PDE11A: variants seen among roughly 807,000 people sequenced by gnomAD.
PDE11A encodes dual 3',5'-cyclic-AMP and -GMP phosphodiesterase 11A.
A neutral mutation model predicts 100.5 loss-of-function variants in PDE11A; 100 were observed. The observed-to-expected ratio is 1.00, with a 90% CI of 0.85 to 1.18. The LOEUF (loss-of-function observed/expected upper bound fraction) is 1.18. Among genes scored for constraint, PDE11A ranks in the 50% most tolerant of loss-of-function variants. The pLI is 0.00. For synonymous variants in PDE11A, 381 were observed against 420.8 expected, an observed-to-expected ratio of 0.91 and a Z score of 1.16; for missense variants, 1,141 against 1,152.6, an observed-to-expected ratio of 0.99 and a Z score of 0.15.
intron 15 of PDE11A, among the ~76,000 whole-genome samples, chr2:177,694,268 A>T (rs1196145538): frequency 6.6e-6 from 1 of 151,706 alleles, no homozygotes; most frequent in Non-Finnish European, 1.5e-5. Flanking sequence ...GAGTGTTGAT[A>T]TTTTTTTTTC....
chr2:177,751,757 T>C (rs138810466), intron 10 of PDE11A, among the ~76,000 whole-genome samples: 203 of 152,356 alleles, frequency 1.3e-3, no homozygotes, highest in African/African-American at 4.6e-3. Flanking sequence ...TTTTATAATA[T>C]TCTAAACAAA....
intron 1 of PDE11A, among the ~76,000 whole-genome samples, chr2:178,039,951 G>A (rs746719133): frequency 5.3e-5 from 8 of 151,988 alleles, no homozygotes; most frequent in Non-Finnish European, 1.2e-4. Context: ...TCATGGGGAG[G>A]GAAACAAGGG....
At chr2:177,711,708 C>T in intron 13 of PDE11A, 61 bp downstream of exon 13, 5 of 933,546 alleles carry the variant, frequency 5.4e-6, no homozygotes, top group Middle Eastern at 2.1e-4. Context: ...TAGCATTCGT[C>T]ACCTTTGGCT....
At chr2:177,704,691 G>A (rs78797125) in intron 13 of PDE11A, among the ~76,000 whole-genome samples, 2,611 of 152,232 alleles carry the variant, frequency 0.017, 68 homozygotes, top group African/African-American at 0.059. Context: ...AAAGGGTTCC[G>A]TGGCCAAATA....
chr2:177,960,860 C>A (rs943522302), intron 2 of PDE11A, among the ~76,000 whole-genome samples: 1 of 152,126 alleles, frequency 6.6e-6, no homozygotes, highest in African/African-American at 2.4e-5. Context: ...TATATGGATC[C>A]ATACATATCC....
At chr2:178,093,948 A>G (rs114291780) in intron 2 of PDE11A, among the ~76,000 whole-genome samples, 3,267 of 149,806 alleles carry the variant, frequency 0.022, 84 homozygotes, top group African/African-American at 0.065. Flanking sequence ...GAGCCAAATA[A>G]CAGCCCCACC....
At chr2:178,013,833 T>A (rs73972663) in intron 2 of PDE11A, among the ~76,000 whole-genome samples, 3,829 of 152,302 alleles carry the variant, frequency 0.025, 148 homozygotes, top group African/African-American at 0.087. Context: ...TTCTTTTTAT[T>A]AGCAATTTGA....
intron 14 of PDE11A, among the ~76,000 whole-genome samples, chr2:177,700,004 T>C (rs1490151668): frequency 2.0e-5 from 3 of 152,158 alleles, no homozygotes; most frequent in Admixed American, 2.0e-4. Context: ...ACAGAAAAGA[T>C]AGTTTGAACC....
intron 2 of PDE11A, among the ~76,000 whole-genome samples, chr2:178,004,181 C>T (rs561024674): frequency 3.9e-5 from 6 of 151,906 alleles, no homozygotes; most frequent in Admixed American, 6.6e-5. Context: ...GTTAGGATTA[C>T]GGGTGATACT....
intron 9 of PDE11A, among the ~76,000 whole-genome samples, chr2:177,773,348 A>C (rs59657949): frequency 0.088 from 13,344 of 152,260 alleles, 620 homozygotes; most frequent in Middle Eastern, 0.16. Flanking sequence ...CCGAGTTGTG[A>C]ATATATACCT....
At chr2:177,894,629 T>C (rs933606366) in intron 4 of PDE11A, among the ~76,000 whole-genome samples, 1 of 152,146 alleles carries the variant, frequency 6.6e-6, no homozygotes, top group Non-Finnish European at 1.5e-5. Context: ...AATGTTCAAA[T>C]AGAGATCATA....
At chr2:178,012,863 C>G (rs368218737) in intron 2 of PDE11A, among the ~76,000 whole-genome samples, 1 of 152,134 alleles carries the variant, frequency 6.6e-6, no homozygotes, top group Non-Finnish European at 1.5e-5. Context: ...TTTGGAAAGA[C>G]GCAAAACCCA....
intron 1 of PDE11A, among the ~76,000 whole-genome samples, chr2:178,015,494 A>G (rs2086323614): frequency 6.6e-6 from 1 of 152,218 alleles, no homozygotes; most frequent in Admixed American, 6.5e-5. Context: ...AGAAGACTGA[A>G]GAGACCTGAA....
intron 2 of PDE11A, among the ~76,000 whole-genome samples, chr2:178,001,964 A>C (rs565016455): frequency 6.6e-6 from 1 of 152,188 alleles, no homozygotes; most frequent in South Asian, 2.1e-4. Context: ...GGTTTGTTAC[A>C]TGGGTATATT....
chr2:177,911,106 C>T (rs1253795315), intron 2 of PDE11A, among the ~76,000 whole-genome samples: 1 of 152,216 alleles, frequency 6.6e-6, no homozygotes. Context: ...CTTCTGCCCT[C>T]AGGCAGTAAC....
Position 178,096,718 on chromosome 2 carries a change from C to T in PDE11A, c.162+7584G>A, listed in dbSNP as rs6744221. On this transcript the variant is annotated intron_variant, in intron 2 of 20. Coordinates refer to the PDE11A transcript ENST00000358450. ...AGTTCCTCATTTTCATCTGAGACCA[C>T]CTCAGCCTGAACTTCATTGTCCACA... Among the ~76,000 whole-genome samples, 764 of 152,300 alleles carry T rather than the reference C, an allele frequency of 5.0e-3. 5 individuals are homozygous for T. The highest frequency in any genetic ancestry group is 0.019 in the South Asian group (92 of 4,824).
At chr2:178,070,000 GA>G (rs1057084062) in intron 1 of PDE11A, among the ~76,000 whole-genome samples, 26 of 150,766 alleles carry the variant, frequency 1.7e-4, no homozygotes, top group South Asian at 6.3e-4. Context: ...AAGGATGTGG[GA>G]AAAAAAAATT....
At chr2:177,938,828 A>G (rs1377553421) in intron 2 of PDE11A, among the ~76,000 whole-genome samples, 2 of 152,234 alleles carry the variant, frequency 1.3e-5, no homozygotes, top group African/African-American at 2.4e-5. Context: ...TGGTCTTTAA[A>G]GTGGTAATTA....
chr2:177,823,919 T>C (rs1211247901), intron 6 of PDE11A, among the ~76,000 whole-genome samples: 1 of 152,150 alleles, frequency 6.6e-6, no homozygotes, highest in African/African-American at 2.4e-5. Context: ...TAACGTTTCC[T>C]ACGAAATCTG....
Sources: gnomAD v4.1 joint callset for allele counts (sites outside exome capture counted in the v4.1 genomes callset) on GRCh38, gnomAD v4.1.1 for gene constraint, MANE v1.5 for transcripts, NCBI Gene and HGNC (gene_info 2026-07-23, HGNC 2026-07-21) for gene names.